Variants in NHERF2 observed in about 807,000 individuals in gnomAD.
NHERF2 encodes NHERF family PDZ scaffold protein 2.
At chr16:2,033,034 G>A in the NHERF2 span, 1 of 1,255,090 alleles carries the variant, frequency 8.0e-7, no homozygotes, top group East Asian at 4.3e-5. Context: ...ACCGTCCTGT[G>A]TTCTGGGGCC....
the NHERF2 span, chr16:2,036,880 A>AG: frequency 6.2e-7 from 1 of 1,608,352 alleles, no homozygotes; most frequent in Non-Finnish European, 8.5e-7. Context: ...AGCACGTGGA[A>AG]GGTGGGCCAC....
At chr16:2,027,240 C>T in the NHERF2 span, 2 of 1,254,206 alleles carry the variant, frequency 1.6e-6, no homozygotes, top group South Asian at 2.5e-5. Context: ...CGCTCGCCCC[C>T]GGCCCGCCGC....
the NHERF2 span, chr16:2,037,438 G>C: frequency 8.7e-7 from 1 of 1,148,532 alleles, no homozygotes; most frequent in Middle Eastern, 2.0e-4. Flanking sequence ...CTGCCGAGTG[G>C]AGGAGCACAC....
At chr16:2,036,694 C>CCATGG in the NHERF2 span, 1 of 1,606,824 alleles carries the variant, frequency 6.2e-7, no homozygotes, top group Non-Finnish European at 8.5e-7. Flanking sequence ...CTGTCTGGGC[C>CCATGG]CATGGCGGGG....
chr16:2,027,292 AC>A, the NHERF2 span: 1 of 950,344 alleles, frequency 1.1e-6, no homozygotes, highest in Non-Finnish European at 1.4e-6. Context: ...CAGGGGTCGC[AC>A]GGGGGCCCGA....
chr16:2,027,693 T>C, the NHERF2 span, among the ~76,000 whole-genome samples: 1 of 152,198 alleles, frequency 6.6e-6, no homozygotes, highest in East Asian at 1.9e-4. Context: ...TCTGCACCTG[T>C]GTGTGCTGTA....
the NHERF2 span, chr16:2,027,088 A>G: frequency 4.5e-5 from 66 of 1,458,252 alleles, no homozygotes; most frequent in Non-Finnish European, 5.8e-5. Flanking sequence ...CTGCACGGCG[A>G]GAAGGGCCGC....
At chr16:2,030,613 C>G in the NHERF2 span, among the ~76,000 whole-genome samples, 1 of 150,438 alleles carries the variant, frequency 6.6e-6, no homozygotes, top group Non-Finnish European at 1.5e-5. Context: ...CATGTTCTCT[C>G]CTACCTTTTT....
At chr16:2,038,420 C>G in the NHERF2 span, 6 of 366,416 alleles carry the variant, frequency 1.6e-5, no homozygotes, top group Admixed American at 1.6e-4. Context: ...TTCCCCTCCC[C>G]CTTCCCCTCC....
At chr16:2,033,152 CCAGGCTGGAGCCTTCGCAGGGGAG>C in the NHERF2 span, 1 of 1,417,404 alleles carries the variant, frequency 7.1e-7, no homozygotes, top group East Asian at 2.6e-5. Context: ...GTGGGGGGCG[CCAGGCTGGAGCCTTCGCAGGGGAG>C]CGGGCTCAGT....
the NHERF2 span, chr16:2,029,442 G>A: frequency 2.7e-6 from 2 of 747,926 alleles, no homozygotes; most frequent in Non-Finnish European, 4.5e-6. Context: ...GGCGGGGCCG[G>A]CAGGCCTCTT....
chr16:2,029,703 T>TGCCCC, the NHERF2 span: 9 of 1,509,372 alleles, frequency 6.0e-6, no homozygotes, highest in Non-Finnish European at 8.1e-6. Flanking sequence ...CAGCGAGGGC[T>TGCCCC]CCCACCCGCC....
At chr16:2,029,643 C>T in the NHERF2 span, 9 of 1,576,174 alleles carry the variant, frequency 5.7e-6, no homozygotes, top group Non-Finnish European at 7.7e-6. Flanking sequence ...GACCAGGAGA[C>T]AGATGAGGAG....
At chr16:2,029,563 T>A in the NHERF2 span, 1 of 1,556,510 alleles carries the variant, frequency 6.4e-7, no homozygotes, top group Non-Finnish European at 8.7e-7. Context: ...GACCCGCTCC[T>A]ATCGCCCATT....
the NHERF2 span, chr16:2,038,395 C>T: frequency 2.4e-6 from 1 of 423,838 alleles, no homozygotes. Flanking sequence ...CACTTAATAC[C>T]AGAGACCCCC....
chr16:2,027,831 C>T, the NHERF2 span, among the ~76,000 whole-genome samples: 1 of 152,166 alleles, frequency 6.6e-6, no homozygotes, highest in South Asian at 2.1e-4. Context: ...GTCTGCAGGC[C>T]GGTGAGTCTT....
At chr16:2,029,876 A>T in the NHERF2 span, 1 of 1,135,006 alleles carries the variant, frequency 8.8e-7, no homozygotes. Flanking sequence ...CACCTCCAGA[A>T]GTCTTGGTCT....
the NHERF2 span, chr16:2,036,836 C>T: frequency 1.2e-6 from 2 of 1,612,988 alleles, no homozygotes; most frequent in Non-Finnish European, 1.7e-6. Flanking sequence ...GACAGATGAA[C>T]ACTTCAAGCG....
chr16:2,030,618 C>CT, the NHERF2 span, among the ~76,000 whole-genome samples: 1,378 of 132,158 alleles, frequency 0.01, 10 homozygotes, highest in Non-Finnish European at 0.017. Context: ...TCTCTCCTAC[C>CT]TTTTTTTTTT....
Sources: gnomAD v4.1 joint callset for allele counts (sites outside exome capture counted in the v4.1 genomes callset) on GRCh38, gnomAD v4.1.1 for gene constraint, MANE v1.5 for transcripts, NCBI Gene and HGNC (gene_info 2026-07-23, HGNC 2026-07-21) for gene names.